The following STK36 variants were observed in gnomAD, a reference collection of about 807,000 sequenced individuals.
STK36 encodes serine/threonine kinase 36, also known as serine/threonine-protein kinase 36.
Under a neutral mutation model 142.2 loss-of-function variants are expected in STK36, and 116 were observed. The observed-to-expected ratio is 0.82, with a 90% CI of 0.70 to 0.95. The LOEUF is 0.95. Ranked by LOEUF, STK36 falls within the 40% of genes least tolerant of loss-of-function variation. The pLI is 0.00. For missense variants in STK36, 1,422 were observed against 1,617.2 expected (o/e 0.88, Z 2.07); for synonymous variants, 619 against 641.7 (o/e 0.96, Z 0.53).
rs942419253 is a variant in STK36, at chr2:218,680,012, G to T, written c.1068G>T (p.Gly356=). The T allele has an allele frequency of 2.5e-6, 4 of 1,614,082 alleles. No homozygotes were observed. Among genetic ancestry groups the T allele is most frequent in the Non-Finnish European group, 3.4e-6 (4 of 1,180,036 alleles). ...ATPQESSLLA[G]ILASELKSSW... ...CTCAGGAATCAAGCCTCCTGGCCGG[G>T]ATCTTAGCCTCAGAATTGAAGAGCA... is the stretch of plus-strand genomic sequence containing the variant. Residue 356 remains glycine (G), a synonymous_variant, in exon 9 of 27, where the codon GGG becomes GGT. Coordinates refer to ENST00000295709, the MANE Select transcript of STK36 (RefSeq NM_015690.5).
Position 218,697,109 on chromosome 2 carries a change from C to T in STK36, c.2657C>T (p.Ser886Phe). The T allele has an allele frequency of 6.2e-7, 1 of 1,614,166 alleles. No homozygotes were observed. The highest frequency in any genetic ancestry group is 1.6e-4 in the Middle Eastern group (1 of 6,062). Residue 886 changes from serine (S) to phenylalanine (F), a missense_variant, in exon 23 of 27, where the codon TCC becomes TTC. Ser to Phe is a radical substitution (Grantham distance 155). Coordinates refer to ENST00000295709, the MANE Select transcript of STK36 (RefSeq NM_015690.5). ...EMWTVLWHRF[S>F]MVLRLPEEAS... Reference sequence around the variant, plus strand: ...TGGACCGTTTTGTGGCACCGCTTCTCCATGGTCCTGAGGCTCCCCGAGGAG... The same window carrying T: ...TGGACCGTTTTGTGGCACCGCTTCTTCATGGTCCTGAGGCTCCCCGAGGAG...
Position 218,697,624 on chromosome 2 carries a change from A to G in STK36, c.2909+14A>G, listed in dbSNP as rs1214405676. 14 of 1,613,786 alleles carry G rather than the reference A, an allele frequency of 8.7e-6. No homozygotes were observed. The highest frequency in any genetic ancestry group is 6.7e-5 in the Admixed American group (4 of 59,988). On this transcript the variant is annotated intron_variant, in intron 24 of 26. Coordinates refer to ENST00000295709, the MANE Select transcript of STK36 (RefSeq NM_015690.5). ...ACTGCGCCAGGCGTGAGTTTGAGCT[A>G]GAAGAGAGCCACAGAGTCAGCAACG... is the stretch of plus-strand genomic sequence containing the variant.
At chr2:218,692,749 C>G in intron 16 of STK36, 39 bp downstream of exon 16, 2 of 1,589,950 alleles carry the variant, frequency 1.3e-6, no homozygotes, top group Non-Finnish European at 1.7e-6. Context: ...ATCCTACTGC[C>G]AGAGGAATTG....
intron 10 of STK36, among the ~76,000 whole-genome samples, chr2:218,681,959 C>A (rs1374643007): frequency 2.6e-5 from 4 of 152,144 alleles, no homozygotes; most frequent in African/African-American, 7.2e-5. Flanking sequence ...TGGAGTTTTG[C>A]TCTTGTTGCC....
rs1306555458 is a variant in STK36, at chr2:218,676,191, C to A, written c.597C>A (p.Pro199=). 6.2e-7 allele frequency: 1 copy of A among 1,614,178 alleles called. No homozygotes were observed. The highest frequency in any genetic ancestry group is 8.5e-7 in the Non-Finnish European group (1 of 1,180,038). The change falls in exon 6 of 27, where the codon CCC becomes CCA. Residue 199 remains proline, a synonymous_variant. Transcript: ENST00000295709. Reference sequence around the variant, plus strand: ...ATGAACTGGCAGTAGGCACCCCTCCCTTCTATGCTACAAGCATCTTTCAGC... The same window carrying A: ...ATGAACTGGCAGTAGGCACCCCTCCATTCTATGCTACAAGCATCTTTCAGC... The part of the protein sequence containing the change: ...ILYELAVGTP[P]FYATSIFQLV...
At chr2:218,674,123 C>T (rs557486976) in intron 4 of STK36, among the ~76,000 whole-genome samples, 167 bp downstream of exon 4, 6 of 152,230 alleles carry the variant, frequency 3.9e-5, no homozygotes, top group South Asian at 2.1e-4. Context: ...ATTATGTAAA[C>T]GTTGGAGTCA....
chr2:218,681,855 A>G (rs997223563), intron 10 of STK36, among the ~76,000 whole-genome samples: 1 of 152,254 alleles, frequency 6.6e-6, no homozygotes, highest in Non-Finnish European at 1.5e-5. Context: ...CACTGGTGCA[A>G]TGGGGATTAA....
intron 11 of STK36, among the ~76,000 whole-genome samples, chr2:218,687,667 A>G (rs1940832442): frequency 6.6e-6 from 1 of 152,202 alleles, no homozygotes; most frequent in South Asian, 2.1e-4. Flanking sequence ...TGCACTACTC[A>G]TTAGCTGCGT....
chr2:218,697,166 C>T lies in STK36; in HGVS notation c.2714C>T (p.Ser905Phe). 6.2e-7 allele frequency: 1 copy of T among 1,614,160 alleles called. No individual in the cohort carries two copies. The highest frequency in any genetic ancestry group is 2.2e-5 in the East Asian group (1 of 44,888). The change falls in exon 23 of 27, where the codon TCC becomes TTC. Residue 905 changes from serine to phenylalanine, a missense_variant. By Grantham distance (155) the Ser-to-Phe change is radical (BLOSUM62 -2). Around this residue, in one of 2 missense-constraint regions of STK36, gnomAD observed 962 missense variants for 1,167.5 expected, o/e 0.82. Transcript: ENST00000295709. ...ASAQEGELSL[S>F]SPPSPEPDWT... ...GCACAGGAAGGGGAGCTTTCGCTAT[C>T]CAGTCCACCAAGCCCTGAGCCAGAC...
intron 5 of STK36, among the ~76,000 whole-genome samples, chr2:218,675,775 C>T (rs925807249): frequency 2.0e-5 from 3 of 152,062 alleles, no homozygotes; most frequent in Admixed American, 6.6e-5. Flanking sequence ...CTGCCCACCT[C>T]GGCCTCCCAA....
intron 14 of STK36, among the ~76,000 whole-genome samples, 192 bp from the exon 15 acceptor site, chr2:218,691,951 C>T (rs894441669): frequency 6.6e-6 from 1 of 152,192 alleles, no homozygotes; most frequent in Non-Finnish European, 1.5e-5. Flanking sequence ...GGATTGACAC[C>T]TAAAATTATT....
At chr2:218,672,370 G>C in intron 1 of STK36, 155 bp downstream of exon 1, 1 of 317,806 alleles carries the variant, frequency 3.1e-6, no homozygotes, top group Non-Finnish European at 5.9e-6. Flanking sequence ...CTGGGGGTGA[G>C]AGAGGGGCTC....
chr2:218,673,581 C>T, intron 2 of STK36, 44 bp from the exon 3 acceptor site: 1 of 1,575,286 alleles, frequency 6.3e-7, no homozygotes, highest in Non-Finnish European at 8.6e-7. Context: ...TAGATCTTTT[C>T]AGTAGTGTGA....
chr2:218,692,298 C>G lies in STK36; in HGVS notation c.1915+5C>G. On this transcript the variant is annotated splice_donor_5th_base_variant and intron_variant, in intron 15 of 26. Coordinates refer to ENST00000295709, the MANE Select transcript of STK36 (RefSeq NM_015690.5). The stretch of plus-strand genomic sequence containing the variant: ...TCCCTGTCCACACTCCCCAAGGTAA[C>G]CAGAGTGGAGAAGGGAGGTTCTCTT... The G allele has an allele frequency of 6.2e-7, 1 of 1,614,006 alleles. No homozygotes were observed.
At chr2:218,674,019 G>A in intron 4 of STK36, 63 bp downstream of exon 4, 1 of 1,514,060 alleles carries the variant, frequency 6.6e-7, no homozygotes, top group East Asian at 2.4e-5. Context: ...AGAACTGGTA[G>A]AGCAAGCTAA....
rs1941463307 is a variant in STK36 at position 218,702,086 on chromosome 2, A to G, written c.*77A>G. On this transcript the variant is annotated 3_prime_UTR_variant, in exon 27 of 27. Coordinates refer to ENST00000295709, the MANE Select transcript of STK36 (RefSeq NM_015690.5). ...TTCTACTACACAAGCCGCCAACTCAACTGAGAGCTAAAGAGACTAGAAAAG... is the reference window on the plus strand; with the variant it reads ...TTCTACTACACAAGCCGCCAACTCAGCTGAGAGCTAAAGAGACTAGAAAAG... 1.3e-6 allele frequency: 2 copies of G among 1,558,410 alleles called. No individual in the cohort carries two copies. Among genetic ancestry groups the G allele is most frequent in the Non-Finnish European group, 1.7e-6 (2 of 1,149,240 alleles).
rs773248393 is a variant in STK36 at position 218,697,774 on chromosome 2, C to T, written c.2910-80C>T. The T allele has an allele frequency of 4.4e-6, 7 of 1,604,038 alleles. No homozygotes were observed. The African/African-American group carries it at 9.4e-5, about 21-fold the overall frequency. On this transcript the variant is annotated intron_variant, in intron 24 of 26. Transcript: ENST00000295709. ...CTGAGACTGTAGAAGGGGAGTTGGG[C>T]AAAGGAATTGGAGGAGGGAGGGAGG...
At chr2:218,691,854 C>T (rs907447734) in intron 14 of STK36, among the ~76,000 whole-genome samples, 6 of 152,170 alleles carry the variant, frequency 3.9e-5, no homozygotes, top group Non-Finnish European at 8.8e-5. Flanking sequence ...AGCCATTGCA[C>T]CTGACCCCTA....
chr2:218,680,636 A>G lies in STK36; in HGVS notation c.1170A>G (p.Ala390=), dbSNP rs750345941. The change falls in exon 10 of 27, where the codon GCA becomes GCG. Residue 390 remains alanine (A), a synonymous_variant. Transcript: ENST00000295709. ...ENRTTPDCER[A]FPEERPEVLG... ...GGACCACCCCAGATTGTGAACGAGCATTCCCAGAGGAGAGGCCAGAGGTGC... is the reference window on the plus strand; with the variant it reads ...GGACCACCCCAGATTGTGAACGAGCGTTCCCAGAGGAGAGGCCAGAGGTGC... 1 of 1,613,610 alleles carries G rather than the reference A, an allele frequency of 6.2e-7. No homozygotes were observed. The highest frequency in any genetic ancestry group is 1.3e-5 in the African/African-American group (1 of 74,934).
Sources: allele counts gnomAD v4.1 joint callset (sites outside exome capture counted in the v4.1 genomes callset), GRCh38; gene constraint gnomAD v4.1.1; regional missense constraint gnomAD v4.1.1; transcripts MANE v1.5; gene names NCBI Gene and HGNC (gene_info 2026-07-23, HGNC 2026-07-21).